Variants in GNG4 observed in about 807,000 individuals in gnomAD.
GNG4 encodes the protein guanine nucleotide-binding protein G(I)/G(S)/G(O) subunit gamma-4.
A neutral mutation model predicts 5.8 loss-of-function variants in GNG4; 4 were observed. The observed-to-expected ratio is 0.69, with a 90% confidence interval of 0.34 to 1.57. The LOEUF (loss-of-function observed/expected upper bound fraction) is 1.57. Among genes scored for constraint, GNG4 ranks in the 40% most tolerant of loss-of-function variants. GNG4 has a pLI of 0.06. For missense variants in GNG4, 96 were observed against 95.1 expected, an observed-to-expected ratio of 1.01 and a Z score of -0.04; for synonymous variants, 29 against 32.9, an observed-to-expected ratio of 0.88 and a Z score of 0.41.
chr1:235,603,198 G>A (rs969284792), intron 1 of GNG4, among the ~76,000 whole-genome samples: 2 of 151,742 alleles, frequency 1.3e-5, no homozygotes, highest in African/African-American at 2.4e-5. Context: ...AGCAGAGATC[G>A]CGCCACTTGC....
At chr1:235,621,753 T>C (rs936303513) in intron 1 of GNG4, among the ~76,000 whole-genome samples, 3 of 151,846 alleles carry the variant, frequency 2.0e-5, no homozygotes, top group African/African-American at 7.3e-5. Flanking sequence ...CACGGCTCAC[T>C]GCAGCTTTGA....
intron 1 of GNG4, among the ~76,000 whole-genome samples, chr1:235,645,222 G>A (rs1558508291): frequency 6.6e-6 from 1 of 152,162 alleles, no homozygotes; most frequent in Non-Finnish European, 1.5e-5. Context: ...ACAGAGTCCT[G>A]CTGGGCCATT....
intron 3 of GNG4, among the ~76,000 whole-genome samples, chr1:235,559,764 A>G (rs1687011977): frequency 1.3e-5 from 2 of 152,368 alleles, no homozygotes; most frequent in South Asian, 4.1e-4. Context: ...TCAAATGTCC[A>G]TAGCAGCAGA....
intron 1 of GNG4, among the ~76,000 whole-genome samples, chr1:235,638,074 T>C (rs1657182204): frequency 6.6e-6 from 1 of 152,212 alleles, no homozygotes; most frequent in East Asian, 1.9e-4. Flanking sequence ...ATGCTCCTGG[T>C]CTCCGATAAG....
intron 1 of GNG4, among the ~76,000 whole-genome samples, chr1:235,645,475 T>C (rs1657477814): frequency 6.6e-6 from 1 of 152,134 alleles, no homozygotes; most frequent in African/African-American, 2.4e-5. Flanking sequence ...GTAAACACTT[T>C]TTCTGCTGTA....
chr1:235,581,200 G>A (rs1466756525), intron 3 of GNG4, among the ~76,000 whole-genome samples: 1 of 152,016 alleles, frequency 6.6e-6, no homozygotes, highest in Non-Finnish European at 1.5e-5. Context: ...TTCTCATGAA[G>A]GGTTTAAAAC....
intron 1 of GNG4, among the ~76,000 whole-genome samples, chr1:235,606,437 G>A (rs1688362093): frequency 6.6e-6 from 1 of 152,146 alleles, no homozygotes; most frequent in Non-Finnish European, 1.5e-5. Flanking sequence ...CTAGATACTG[G>A]CTCTGGTAGG....
intron 3 of GNG4, chr1:235,566,015 C>T (rs751970863): frequency 6.6e-6 from 1 of 152,232 alleles, no homozygotes; most frequent in Non-Finnish European, 1.5e-5. Flanking sequence ...GAGAATCTGA[C>T]TCTATCACAC....
At position 235,620,722 on chromosome 1, in the gene GNG4, A is replaced by G. The variant is rs1688692204; in HGVS notation, c.-122-25211T>C. Reference sequence around the variant, plus strand: ...AGCTAAGTTTTTATATTTTTAGTAGAGACAGGGTTTCACCGTGTTAGCCAG... The same window carrying G: ...AGCTAAGTTTTTATATTTTTAGTAGGGACAGGGTTTCACCGTGTTAGCCAG... On this transcript the variant is annotated intron_variant, in intron 1 of 3. Transcript: ENST00000391854. Among the ~76,000 whole-genome samples, 3 of 152,122 alleles carry G rather than the reference A, an allele frequency of 2.0e-5. No homozygotes were observed. The South Asian group carries it at 6.2e-4, about 31-fold the overall frequency.
intron 3 of GNG4, among the ~76,000 whole-genome samples, chr1:235,560,416 T>C (rs1390282508): frequency 6.6e-6 from 1 of 152,146 alleles, no homozygotes; most frequent in Non-Finnish European, 1.5e-5. Context: ...CCTTCCGCCA[T>C]CTGCTGTGGG....
At chr1:235,596,229 C>T (rs1200345902) in intron 1 of GNG4, among the ~76,000 whole-genome samples, 11 of 148,892 alleles carry the variant, frequency 7.4e-5, no homozygotes, top group African/African-American at 2.5e-4. Context: ...CACACACACA[C>T]ACACACACAC....
chr1:235,639,817 T>G (rs1441888556), intron 1 of GNG4, among the ~76,000 whole-genome samples: 2 of 152,170 alleles, frequency 1.3e-5, no homozygotes, highest in Non-Finnish European at 2.9e-5. Context: ...CTGTGTTGTG[T>G]TATAATCCTC....
intron 1 of GNG4, among the ~76,000 whole-genome samples, chr1:235,647,152 AT>A (rs1657531440): frequency 6.6e-6 from 1 of 152,160 alleles, no homozygotes. Context: ...AAGGAGTTAA[AT>A]TTTGGTTTCT....
intron 2 of GNG4, among the ~76,000 whole-genome samples, chr1:235,593,877 A>G (rs528912528): frequency 3.1e-4 from 47 of 152,322 alleles, no homozygotes; most frequent in African/African-American, 1.1e-3. Flanking sequence ...CAGCAGCAGA[A>G]TTTGTTGCAA....
intron 3 of GNG4, among the ~76,000 whole-genome samples, chr1:235,581,393 G>A (rs1687631708): frequency 6.6e-6 from 1 of 151,996 alleles, no homozygotes; most frequent in Non-Finnish European, 1.5e-5. Flanking sequence ...GCCGGGCGTG[G>A]TGGTGGGCGC....
chr1:235,589,547 G>A lies in GNG4; in HGVS notation c.-10-5699C>T, dbSNP rs140791410. On this transcript the variant is annotated intron_variant, in intron 2 of 3. Coordinates refer to ENST00000391854, the MANE Select transcript of GNG4 (RefSeq NM_001098722.2). Reference sequence around the variant, plus strand: ...TGTTCCTTCAGCTACCTGCCCATCCGCCCACTCCCCTCGAACCTCAGCATG... The same window carrying A: ...TGTTCCTTCAGCTACCTGCCCATCCACCCACTCCCCTCGAACCTCAGCATG... Among the ~76,000 whole-genome samples, 25 of 152,220 alleles carry A rather than the reference G, an allele frequency of 1.6e-4. No individual in the cohort carries two copies. The East Asian group carries it at 3.3e-3, about 20-fold the overall frequency.
intron 1 of GNG4, among the ~76,000 whole-genome samples, chr1:235,604,023 C>T (rs1688307174): frequency 6.6e-6 from 1 of 152,192 alleles, no homozygotes; most frequent in Non-Finnish European, 1.5e-5. Context: ...ACCATTGCTT[C>T]GGCCTTGCAG....
chr1:235,569,281 G>A (rs1162507698), intron 3 of GNG4, among the ~76,000 whole-genome samples: 1 of 152,078 alleles, frequency 6.6e-6, no homozygotes, highest in African/African-American at 2.4e-5. Context: ...AGGCCAAGGC[G>A]AGTGGATTGT....
intron 3 of GNG4, chr1:235,565,694 C>G (rs192139399): frequency 6.6e-6 from 1 of 152,124 alleles, no homozygotes. Context: ...GCGAGACCCC[C>G]GTCTCTATTA....
Sources: allele counts gnomAD v4.1 joint callset (sites outside exome capture counted in the v4.1 genomes callset), GRCh38; gene constraint gnomAD v4.1.1; transcripts MANE v1.5; gene names NCBI Gene and HGNC (gene_info 2026-07-23, HGNC 2026-07-21).